CHST6: variants seen among roughly 807,000 people sequenced by gnomAD.
CHST6 encodes N-acetylglucosamine 6-O-sulfotransferase 5.
For synonymous variants in CHST6, 309 were observed against 276.4 expected (o/e 1.12, Z -1.17); for missense variants, 698 against 586.2 (o/e 1.19, Z -1.97).
At chr16:75,491,219 A>ATATATAT (rs1491290856) in intron 1 of CHST6, among the ~76,000 whole-genome samples, 5 of 115,886 alleles carry the variant, frequency 4.3e-5, no homozygotes, top group African/African-American at 1.5e-4. Flanking sequence ...ATATATATAT[A>ATATATAT]AAATATAATA....
intron 1 of CHST6, among the ~76,000 whole-genome samples, chr16:75,491,258 A>T (rs1449596929): frequency 4.1e-5 from 6 of 145,020 alleles, no homozygotes; most frequent in Non-Finnish European, 6.0e-5. Flanking sequence ...ATAAACTTTA[A>T]CATACATGAA....
chr16:75,491,175 A>ATATATATAT (rs2080248759), intron 1 of CHST6, among the ~76,000 whole-genome samples: 4 of 74,592 alleles, frequency 5.4e-5, no homozygotes, highest in Non-Finnish European at 9.4e-5. Flanking sequence ...TAAAAAAAAA[A>ATATATATAT]AAAAAAAAAA....
At chr16:75,480,587 TAGAC>T (rs2080129814) in intron 2 of CHST6, among the ~76,000 whole-genome samples, 1 of 150,706 alleles carries the variant, frequency 6.6e-6, no homozygotes, top group Admixed American at 6.6e-5. Context: ...TTTTTTTAAA[TAGAC>T]AGGTATAACT....
chr16:75,491,185 AAAAAAATATATAT>A (rs2080250701), intron 1 of CHST6, among the ~76,000 whole-genome samples: 1 of 85,954 alleles, frequency 1.2e-5, no homozygotes, highest in Non-Finnish European at 2.2e-5. Context: ...AAAAAAAAAA[AAAAAAATATATAT>A]ATATATATAT....
At chr16:75,491,659 C>T (rs573947768) in intron 1 of CHST6, among the ~76,000 whole-genome samples, 2 of 152,252 alleles carry the variant, frequency 1.3e-5, no homozygotes, top group Admixed American at 6.5e-5. Context: ...CGTGAGCCAC[C>T]GTGCCCGGCT....
At position 75,474,803 on chromosome 16, in the gene CHST6, T is replaced by C; in HGVS notation, c.*3838A>G. The C allele has an allele frequency of 2.5e-6, 1 of 397,498 alleles. No individual in the cohort carries two copies. 24.6% of individuals were successfully genotyped at this position (397,498 alleles called of 1,614,324 possible). ...AACCAACTCACTCCTGAAATAATGG[T>C]GGTTTTTTTTAAGACAGACTCTCGC... is the stretch of plus-strand genomic sequence containing the variant. On this transcript the variant is annotated 3_prime_UTR_variant, in exon 3 of 3. Transcript: ENST00000332272.
Position 75,478,726 on chromosome 16 carries a change from C to T in CHST6, c.1103G>A (p.Arg368His), listed in dbSNP as rs1242731464. 5.0e-6 allele frequency: 8 copies of T among 1,613,552 alleles called. No homozygotes were observed. In the East Asian group the frequency reaches 6.7e-5, roughly 13 times the overall value. Residue 368 changes from arginine (R) to histidine (H), a missense_variant, in exon 3 of 3, where the codon CGC (arginine) becomes CAC (histidine). Arg to His is a conservative substitution (Grantham distance 29). Coordinates refer to ENST00000332272, the MANE Select transcript of CHST6 (RefSeq NM_021615.5). Reference sequence around the variant, plus strand: ...CAGCACCAGATCAAGGGCGAGGTTGCGCTGCTCGTCCTCAGAGTACACAGG... The same window carrying T: ...CAGCACCAGATCAAGGGCGAGGTTGTGCTGCTCGTCCTCAGAGTACACAGG... Reference protein sequence around the residue: ...YRPVYSEDEQRNLALDLVLPR... With the variant: ...YRPVYSEDEQHNLALDLVLPR...
At chr16:75,486,934 T>A (rs1220371060) in intron 1 of CHST6, among the ~76,000 whole-genome samples, 1 of 152,208 alleles carries the variant, frequency 6.6e-6, no homozygotes, top group Non-Finnish European at 1.5e-5. Context: ...TTTGTGAAAG[T>A]TCACCAAGCT....
chr16:75,481,928 A>G, intron 1 of CHST6, 37 bp from the exon 2 acceptor site: 2 of 452,766 alleles, frequency 4.4e-6, no homozygotes, highest in Non-Finnish European at 9.0e-6. Context: ...CACACTCTAC[A>G]GGGGAAGATA....
intron 1 of CHST6, chr16:75,490,893 T>C (rs903390919): frequency 6.6e-6 from 1 of 152,176 alleles, no homozygotes; most frequent in African/African-American, 2.4e-5. Context: ...CAAAATGTGG[T>C]GTAACCACAC....
Position 75,491,903 on chromosome 16 carries a change from AAAAGG to A in CHST6, c.-92+3032_-92+3036del, listed in dbSNP as rs1237701014. On this transcript the variant is annotated intron_variant, in intron 1 of 2. Coordinates refer to ENST00000332272, the MANE Select transcript of CHST6 (RefSeq NM_021615.5). The stretch of plus-strand genomic sequence containing the variant: ...GGGCATGAATTACCCGCTCTGCACT[AAAAGG>A]TGTCAGAGCTCCCATGCACACTCTC... Among the ~76,000 whole-genome samples the A allele has an allele frequency of 4.1e-4, 62 of 152,320 alleles. No homozygotes were observed. The East Asian group carries it at 0.011, about 28-fold the overall frequency.
Position 75,480,982 on chromosome 16 carries a change from G to A in CHST6, c.-17+835C>T, listed in dbSNP as rs2080135834. On this transcript the variant is annotated intron_variant, in intron 2 of 2. Coordinates refer to ENST00000332272, the MANE Select transcript of CHST6 (RefSeq NM_021615.5). The stretch of plus-strand genomic sequence containing the variant: ...GAAAAGAAGCAAATAGGCAGGATGC[G>A]AGCCTGGGATTCAAGCCTGTAATCC... Among the ~76,000 whole-genome samples, 2 of 151,130 alleles carry A rather than the reference G, an allele frequency of 1.3e-5. 1 individual carries two copies. Among genetic ancestry groups the A allele is most frequent in the East Asian group, 3.9e-4 (2 of 5,172 alleles).
Position 75,495,333 on chromosome 16 carries a change from C to T in CHST6, c.-485G>A, listed in dbSNP as rs2080298452. The T allele has an allele frequency of 6.6e-6, 1 of 152,518 alleles. No homozygotes were observed. Among genetic ancestry groups the T allele is most frequent in the African/African-American group, 2.4e-5 (1 of 41,470 alleles). 9.4% of individuals were successfully genotyped at this position (152,518 alleles called of 1,614,324 possible). ...CCCTCTGGAACCCGGCACTGCGGCC[C>T]GCGCCCTCTACTCCCCGCGCGCCGG... On this transcript the variant is annotated 5_prime_UTR_variant, in exon 1 of 3. Coordinates refer to ENST00000332272, the MANE Select transcript of CHST6 (RefSeq NM_021615.5).
intron 1 of CHST6, among the ~76,000 whole-genome samples, chr16:75,482,786 C>T (rs1020520230): frequency 1.3e-5 from 2 of 152,152 alleles, no homozygotes; most frequent in Non-Finnish European, 2.9e-5. Flanking sequence ...CAGGGTCTAA[C>T]TTGTGAGCAG....
At chr16:75,482,097 A>C (rs2080148508) in intron 1 of CHST6, among the ~76,000 whole-genome samples, 2 of 152,098 alleles carry the variant, frequency 1.3e-5, no homozygotes, top group African/African-American at 4.8e-5. Context: ...CATTACTGTT[A>C]CTGTCCCTGT....
intron 1 of CHST6, among the ~76,000 whole-genome samples, chr16:75,491,388 G>C (rs1435152085): frequency 6.7e-6 from 1 of 150,162 alleles, no homozygotes; most frequent in Non-Finnish European, 1.5e-5. Flanking sequence ...TTTATTTTTT[G>C]AGACGGAGTC....
At chr16:75,486,247 A>C (rs1252480151) in intron 1 of CHST6, among the ~76,000 whole-genome samples, 1 of 152,162 alleles carries the variant, frequency 6.6e-6, no homozygotes, top group Non-Finnish European at 1.5e-5. Context: ...AGCAACCCGG[A>C]ACTTTGGATT....
At chr16:75,493,583 AGAGT>A (rs1190083533) in intron 1 of CHST6, among the ~76,000 whole-genome samples, 1 of 152,118 alleles carries the variant, frequency 6.6e-6, no homozygotes, top group African/African-American at 2.4e-5. Context: ...CTTGATTGAA[AGAGT>A]GAGTGAGTGG....
At position 75,478,838 on chromosome 16, in the gene CHST6, G is replaced by A. The variant is rs72547536; in HGVS notation, c.991C>T (p.Gln331Ter). The A allele has an allele frequency of 6.2e-7, 1 of 1,613,474 alleles. No homozygotes were observed. Among genetic ancestry groups the A allele is most frequent in the Non-Finnish European group, 8.5e-7 (1 of 1,179,976 alleles). The change falls in exon 3 of 3, where the codon CAG (glutamine) becomes TAG (stop). Residue 331 changes from glutamine (Q) to a stop codon, truncating the protein, a stop_gained. Coordinates refer to ENST00000332272, the MANE Select transcript of CHST6 (RefSeq NM_021615.5). LOFTEE classifies it low-confidence loss of function (END_TRUNC). ...TSSRNALNVS[Q>*]AWRHALPFAK... ...AAGGGCAGCGCATGGCGCCAGGCCT[G>A]GGAGACGTTGAGCGCATTCCTGGAC...
Sources: gnomAD v4.1 joint callset for allele counts (sites outside exome capture counted in the v4.1 genomes callset) on GRCh38, gnomAD v4.1.1 for gene constraint, MANE v1.5 for transcripts, NCBI Gene and HGNC (gene_info 2026-07-23, HGNC 2026-07-21) for gene names.